COA1: variants seen among roughly 807,000 people sequenced by gnomAD.
The protein encoded by COA1 is cytochrome c oxidase assembly factor 1 homolog.
COA1 carries 13 observed loss-of-function variants against 16.0 expected under a neutral mutation model. The ratio of observed to expected loss-of-function variants is 0.81; its 90% confidence interval spans 0.53 to 1.29. The LOEUF is 1.29. COA1 is among the 50% of genes most tolerant of loss of function. The pLI, the probability that COA1 is intolerant of heterozygous loss-of-function variation, is 0.00. For missense variants in COA1, 179 were observed against 177.0 expected (o/e 1.01, Z -0.06); for synonymous variants, 65 against 65.7 (o/e 0.99, Z 0.05).
chr7:43,723,339 G>A (rs2095548024), intron 1 of COA1, among the ~76,000 whole-genome samples: 1 of 152,072 alleles, frequency 6.6e-6, no homozygotes, highest in African/African-American at 2.4e-5. Flanking sequence ...AACAACAGGA[G>A]AATAGTTGAA....
chr7:43,618,930 G>C (rs1277229674), intron 6 of COA1, among the ~76,000 whole-genome samples: 1 of 152,150 alleles, frequency 6.6e-6, no homozygotes, highest in East Asian at 1.9e-4. Context: ...TGGGAGAAGA[G>C]GGCCATGCAG....
chr7:43,718,673 C>A (rs1327223399), intron 1 of COA1, among the ~76,000 whole-genome samples: 1 of 152,062 alleles, frequency 6.6e-6, no homozygotes, highest in Non-Finnish European at 1.5e-5. Context: ...AACAATTATC[C>A]AATCTTCCTT....
intron 1 of COA1, among the ~76,000 whole-genome samples, chr7:43,674,482 G>T (rs780676788): frequency 2.0e-5 from 3 of 152,202 alleles, no homozygotes; most frequent in Non-Finnish European, 4.4e-5. Context: ...CTCCAAAAAT[G>T]AAAATGGCTT....
At chr7:43,616,443 G>A (rs1279284770) in intron 6 of COA1, among the ~76,000 whole-genome samples, 1 of 152,152 alleles carries the variant, frequency 6.6e-6, no homozygotes, top group Admixed American at 6.5e-5. Flanking sequence ...GGTAGGCACT[G>A]ATCACAGTGA....
At chr7:43,679,773 T>G (rs1433932447) in intron 1 of COA1, among the ~76,000 whole-genome samples, 7 of 152,020 alleles carry the variant, frequency 4.6e-5, no homozygotes, top group Non-Finnish European at 2.9e-5. Context: ...AATGTAGGAA[T>G]AAGAAGCAGC....
chr7:43,682,767 T>TATA (rs1260248944), intron 1 of COA1, among the ~76,000 whole-genome samples: 2 of 152,182 alleles, frequency 1.3e-5, no homozygotes, highest in Non-Finnish European at 2.9e-5. Context: ...CATAGGTAGC[T>TATA]ATAAACAGGC....
intron 6 of COA1, among the ~76,000 whole-genome samples, chr7:43,610,003 T>C (rs2082706637): frequency 6.6e-6 from 1 of 152,196 alleles, no homozygotes; most frequent in Admixed American, 6.5e-5. Flanking sequence ...TGATTCAGGG[T>C]AGGGCAAGGC....
At chr7:43,711,803 T>G (rs1389964036) in intron 1 of COA1, among the ~76,000 whole-genome samples, 1 of 152,170 alleles carries the variant, frequency 6.6e-6, no homozygotes, top group African/African-American at 2.4e-5. Context: ...ACAGAAAAGG[T>G]GCAGTACAAA....
chr7:43,715,356 T>C (rs2095366111), intron 1 of COA1, among the ~76,000 whole-genome samples: 2 of 151,962 alleles, frequency 1.3e-5, no homozygotes, highest in South Asian at 2.1e-4. Flanking sequence ...CAAGCACCTG[T>C]AGTCCCAGCT....
chr7:43,667,926 T>C (rs1169766798), intron 1 of COA1, among the ~76,000 whole-genome samples: 1 of 152,264 alleles, frequency 6.6e-6, no homozygotes, highest in Non-Finnish European at 1.5e-5. Flanking sequence ...TGTTTCTTTT[T>C]CTCTGCCTGG....
At chr7:43,624,865 C>T (rs969814970) in intron 6 of COA1, 2 of 1,554,618 alleles carry the variant, frequency 1.3e-6, no homozygotes, top group East Asian at 2.3e-5. Context: ...TTTAGAACTT[C>T]AAGATTTCTA....
chr7:43,641,733 A>ATGCTGCCAGG (rs2087177179), intron 4 of COA1: 2 of 152,324 alleles, frequency 1.3e-5, no homozygotes, highest in Admixed American at 1.3e-4. Flanking sequence ...TACCACAGGG[A>ATGCTGCCAGG]TGCTGCCAGG....
intron 1 of COA1, among the ~76,000 whole-genome samples, chr7:43,688,786 A>G (rs1219113905): frequency 6.6e-6 from 1 of 152,238 alleles, no homozygotes; most frequent in Non-Finnish European, 1.5e-5. Flanking sequence ...AATGTACATA[A>G]TAGCCAGTAG....
intron 1 of COA1, among the ~76,000 whole-genome samples, chr7:43,703,013 T>C (rs904144069): frequency 6.6e-6 from 1 of 152,178 alleles, no homozygotes; most frequent in African/African-American, 2.4e-5. Context: ...TCTTAACCTT[T>C]AGTTGTGTCC....
intron 1 of COA1, among the ~76,000 whole-genome samples, chr7:43,668,017 C>T (rs1247311395): frequency 6.6e-6 from 1 of 152,164 alleles, no homozygotes; most frequent in African/African-American, 2.4e-5. Flanking sequence ...AATAAGAATC[C>T]ATTTTTCTTT....
chr7:43,624,506 G>A (rs749577865), intron 6 of COA1: 2 of 1,593,558 alleles, frequency 1.3e-6, no homozygotes, highest in Non-Finnish European at 1.7e-6. Flanking sequence ...TGTAAAACAT[G>A]TATCTTTACA....
chr7:43,630,144 T>G (rs930867586), intron 6 of COA1, among the ~76,000 whole-genome samples: 3 of 152,094 alleles, frequency 2.0e-5, no homozygotes, highest in African/African-American at 7.2e-5. Context: ...CCTAAGGTAT[T>G]TAGTATCTGG....
At chr7:43,699,147 A>G (rs192810063) in intron 1 of COA1, among the ~76,000 whole-genome samples, 63 of 152,264 alleles carry the variant, frequency 4.1e-4, no homozygotes, top group Non-Finnish European at 7.2e-4. Flanking sequence ...ATTAATTGAG[A>G]CACTCGTAAA....
rs375320380 is a variant in COA1, at chr7:43,706,922, G to A, written c.-39+22507C>T. ...ATGGTGGCTCACACCTGTAATCCCA[G>A]CACTTTGGGAGGCTGAGGTGGGCAG... On this transcript the variant is annotated intron_variant, in intron 1 of 5. Coordinates refer to ENST00000223336, the MANE Select transcript of COA1 (RefSeq NM_018224.4). 3.1e-4 allele frequency among the ~76,000 whole-genome samples: 47 copies of A among 152,126 alleles called. 1 individual carries two copies. In the East Asian group the frequency reaches 3.1e-3, roughly 10 times the overall value.
Sources: gnomAD v4.1 joint callset for allele counts (sites outside exome capture counted in the v4.1 genomes callset) on GRCh38, gnomAD v4.1.1 for gene constraint, MANE v1.5 for transcripts, NCBI Gene and HGNC (gene_info 2026-07-23, HGNC 2026-07-21) for gene names.